The following FAF1 variants were observed in gnomAD, a reference collection of about 807,000 sequenced individuals.
The protein encoded by FAF1 is Fas associated factor 1.
FAF1 carries 25 observed loss-of-function variants against 92.5 expected under a neutral mutation model. The observed-to-expected ratio is 0.27, with a 90% CI of 0.20 to 0.38. The LOEUF (loss-of-function observed/expected upper bound fraction) is 0.38. Ranked by LOEUF, FAF1 falls within the 10% of genes least tolerant of loss-of-function variation. The pLI, the probability that FAF1 is intolerant of heterozygous loss-of-function variation, is 1.00. For synonymous variants in FAF1, 234 were observed against 273.2 expected (o/e 0.86, Z 1.42); for missense variants, 636 against 793.3 (o/e 0.80, Z 2.38).
chr1:50,742,840 C>A (rs80299389), intron 5 of FAF1, among the ~76,000 whole-genome samples: 1,903 of 152,316 alleles, frequency 0.012, 43 homozygotes, highest in African/African-American at 0.042. Context: ...CGGGGGATAG[C>A]AAACTATGGC....
At chr1:50,862,402 A>G (rs879888332) in intron 1 of FAF1, among the ~76,000 whole-genome samples, 9 of 151,976 alleles carry the variant, frequency 5.9e-5, no homozygotes, top group Non-Finnish European at 1.0e-4. Flanking sequence ...ATAGAGAGCA[A>G]AATGATGGTA....
chr1:50,954,604 G>A (rs1304441612), intron 1 of FAF1, among the ~76,000 whole-genome samples: 1 of 136,742 alleles, frequency 7.3e-6, no homozygotes, highest in African/African-American at 2.7e-5. Context: ...GAGGTGAAAT[G>A]ATCTTGGCTC....
At chr1:50,626,084 A>T (rs1653485390) in intron 8 of FAF1, among the ~76,000 whole-genome samples, 1 of 152,206 alleles carries the variant, frequency 6.6e-6, no homozygotes, top group Non-Finnish European at 1.5e-5. Flanking sequence ...AAATAATTAT[A>T]ATCTTCAGTA....
intron 9 of FAF1, among the ~76,000 whole-genome samples, chr1:50,593,584 G>C (rs940350929): frequency 2.0e-5 from 3 of 152,048 alleles, no homozygotes; most frequent in Non-Finnish European, 4.4e-5. Flanking sequence ...TCTTTCACAA[G>C]GGCTAGTGAG....
At chr1:50,815,106 G>C (rs762972446) in intron 2 of FAF1, among the ~76,000 whole-genome samples, 15 of 152,096 alleles carry the variant, frequency 9.9e-5, no homozygotes, top group African/African-American at 1.4e-4. Flanking sequence ...AATTATTTTA[G>C]ATTCCGGGGG....
intron 4 of FAF1, among the ~76,000 whole-genome samples, chr1:50,755,314 C>T (rs1409142734): frequency 6.6e-6 from 1 of 152,164 alleles, no homozygotes; most frequent in Non-Finnish European, 1.5e-5. Flanking sequence ...CATGAAAGTC[C>T]AAAATCCAGC....
At chr1:50,686,122 A>T (rs925759744) in intron 7 of FAF1, among the ~76,000 whole-genome samples, 18 of 152,330 alleles carry the variant, frequency 1.2e-4, no homozygotes, top group African/African-American at 4.3e-4. Flanking sequence ...GGTACCCAAT[A>T]ATAGTACCAC....
At chr1:50,950,123 A>G (rs911937413) in intron 1 of FAF1, among the ~76,000 whole-genome samples, 2 of 152,076 alleles carry the variant, frequency 1.3e-5, no homozygotes, top group Admixed American at 6.5e-5. Flanking sequence ...TACAGGTGGG[A>G]GCCACCACAC....
At chr1:50,871,726 T>A (rs545700555) in intron 1 of FAF1, among the ~76,000 whole-genome samples, 46 of 152,338 alleles carry the variant, frequency 3.0e-4, no homozygotes, top group African/African-American at 1.1e-3. Context: ...GATAGAGATG[T>A]ACAAAGAGAT....
intron 3 of FAF1, among the ~76,000 whole-genome samples, chr1:50,797,898 G>A (rs932761270): frequency 6.6e-6 from 1 of 152,052 alleles, no homozygotes; most frequent in Non-Finnish European, 1.5e-5. Flanking sequence ...ATCTATTTTA[G>A]TTCTAAAACT....
chr1:50,758,816 C>T (rs1033001574), intron 4 of FAF1, among the ~76,000 whole-genome samples: 20 of 152,114 alleles, frequency 1.3e-4, no homozygotes, highest in African/African-American at 2.4e-5. Flanking sequence ...TGCGCTGCTT[C>T]TGATAGAAGT....
intron 15 of FAF1, among the ~76,000 whole-genome samples, chr1:50,518,720 A>C (rs990239825): frequency 2.6e-5 from 4 of 152,162 alleles, no homozygotes; most frequent in Non-Finnish European, 5.9e-5. Flanking sequence ...GATTACAGGC[A>C]TGAGCCACTG....
chr1:50,635,420 G>A (rs769221398), intron 8 of FAF1, among the ~76,000 whole-genome samples: 2 of 152,080 alleles, frequency 1.3e-5, no homozygotes, highest in African/African-American at 2.4e-5. Context: ...AGAGTAATCT[G>A]GTTGTTGTTT....
chr1:50,845,550 C>T (rs1286059347), intron 2 of FAF1, among the ~76,000 whole-genome samples: 5 of 152,166 alleles, frequency 3.3e-5, no homozygotes, highest in Admixed American at 1.3e-4. Flanking sequence ...TCTTTGCAAG[C>T]CCACTGTGTA....
At chr1:50,712,190 A>G (rs921175817) in intron 6 of FAF1, among the ~76,000 whole-genome samples, 4 of 152,320 alleles carry the variant, frequency 2.6e-5, no homozygotes, top group Non-Finnish European at 5.9e-5. Context: ...TGCAATTCAC[A>G]TATAGTACCC....
At chr1:50,893,032 CTTGA>C (rs1163868286) in intron 1 of FAF1, among the ~76,000 whole-genome samples, 5 of 152,066 alleles carry the variant, frequency 3.3e-5, no homozygotes, top group East Asian at 1.9e-4. Context: ...AGAGTTTCTG[CTTGA>C]TTCTTTTTTA....
At chr1:50,893,773 A>T (rs575073911) in intron 1 of FAF1, among the ~76,000 whole-genome samples, 2 of 152,136 alleles carry the variant, frequency 1.3e-5, no homozygotes, top group Non-Finnish European at 2.9e-5. Context: ...TCCTTCCCTA[A>T]AGCATGAAAA....
chr1:50,737,164 T>TAG (rs1240145888), intron 6 of FAF1, among the ~76,000 whole-genome samples: 12 of 152,264 alleles, frequency 7.9e-5, no homozygotes, highest in Admixed American at 7.2e-4. Flanking sequence ...CAAAGCCAAA[T>TAG]AGAGAAGTAT....
At chr1:50,953,949 CA>C (rs67974718) in intron 1 of FAF1, among the ~76,000 whole-genome samples, 146,230 of 150,620 alleles carry the variant, frequency 0.97, 71,085 homozygotes, top group East Asian at 1. Flanking sequence ...AGAAAGAATA[CA>C]TTTTTTTTTT....
Sources: gnomAD v4.1 joint callset for allele counts (sites outside exome capture counted in the v4.1 genomes callset) on GRCh38, gnomAD v4.1.1 for gene constraint, MANE v1.5 for transcripts, NCBI Gene and HGNC (gene_info 2026-07-23, HGNC 2026-07-21) for gene names.